Variants in FBXL13 observed in about 807,000 individuals in gnomAD.
FBXL13 encodes F-box and leucine rich repeat protein 13, also known as F-box and leucine-rich repeat protein 13.
Under a neutral mutation model 83.6 loss-of-function variants are expected in FBXL13, and 67 were observed. That is an observed-to-expected ratio of 0.80 (90% CI 0.66 to 0.98). The LOEUF (loss-of-function observed/expected upper bound fraction) is 0.98. Among genes scored for constraint, FBXL13 ranks in the 50% least tolerant of loss-of-function variants. The pLI is 0.00. For synonymous variants in FBXL13, 272 were observed against 299.5 expected (o/e 0.91, Z 0.95); for missense variants, 822 against 866.5 (o/e 0.95, Z 0.64).
intron 17 of FBXL13, among the ~76,000 whole-genome samples, chr7:102,841,889 T>G (rs1802997213): frequency 6.6e-6 from 1 of 152,174 alleles, no homozygotes; most frequent in Non-Finnish European, 1.5e-5. Context: ...AGTAAAACTC[T>G]TAATTATTCC....
chr7:102,830,059 C>T (rs910455965), intron 18 of FBXL13, among the ~76,000 whole-genome samples: 2 of 152,172 alleles, frequency 1.3e-5, no homozygotes, highest in Non-Finnish European at 2.9e-5. Flanking sequence ...CTTCCTTCTT[C>T]CTCTTTCTCC....
chr7:102,833,404 T>C (rs1002377393), intron 17 of FBXL13, among the ~76,000 whole-genome samples: 3 of 151,928 alleles, frequency 2.0e-5, no homozygotes, highest in African/African-American at 7.3e-5. Flanking sequence ...CTCTTAAATC[T>C]TAGCAAGTTA....
chr7:102,849,824 G>A (rs990804412), intron 17 of FBXL13, among the ~76,000 whole-genome samples: 1 of 151,934 alleles, frequency 6.6e-6, no homozygotes, highest in Non-Finnish European at 1.5e-5. Context: ...AGACACACAC[G>A]TACCAAAAGC....
intron 18 of FBXL13, among the ~76,000 whole-genome samples, chr7:102,829,683 G>A (rs1393039809): frequency 1.3e-5 from 2 of 152,140 alleles, no homozygotes. Context: ...AGTAGGATGA[G>A]GTCACAGTAC....
At chr7:102,933,301 GACA>G (rs1819587967) in intron 8 of FBXL13, 1 of 151,984 alleles carries the variant, frequency 6.6e-6, no homozygotes, top group Non-Finnish European at 1.5e-5. Context: ...GGCTCAGGAA[GACA>G]ACAATTCAAG....
chr7:103,025,051 A>G lies in FBXL13; in HGVS notation c.495+12T>C. Reference sequence around the variant, plus strand: ...GATTATAGTATATAATGTATACTGAATTCATACAAACCTGTAATATTGCTC... The same window carrying G: ...GATTATAGTATATAATGTATACTGAGTTCATACAAACCTGTAATATTGCTC... On this transcript the variant is annotated intron_variant, in intron 6 of 19. Coordinates refer to ENST00000313221, the Ensembl canonical transcript of FBXL13. The G allele has an allele frequency of 1.3e-6, 2 of 1,599,258 alleles. No individual in the cohort carries two copies. The highest frequency in any genetic ancestry group is 1.7e-6 in the Non-Finnish European group (2 of 1,171,604).
chr7:102,871,339 T>C (rs1312699875), intron 16 of FBXL13, among the ~76,000 whole-genome samples: 1 of 152,132 alleles, frequency 6.6e-6, no homozygotes, highest in East Asian at 1.9e-4. Context: ...CCTATCTTTT[T>C]AGAGGTGGGA....
At chr7:102,935,675 T>C (rs1439330319) in intron 8 of FBXL13, among the ~76,000 whole-genome samples, 2 of 152,176 alleles carry the variant, frequency 1.3e-5, no homozygotes, top group Non-Finnish European at 2.9e-5. Flanking sequence ...TGAAGATTGA[T>C]GTTCTCAAAG....
chr7:102,832,063 T>C (rs753515406), intron 18 of FBXL13, among the ~76,000 whole-genome samples: 1 of 152,170 alleles, frequency 6.6e-6, no homozygotes, highest in African/African-American at 2.4e-5. Flanking sequence ...TTTTTGTGCA[T>C]AGAAAAAAAT....
chr7:103,021,261 G>A (rs189934543), intron 6 of FBXL13, among the ~76,000 whole-genome samples: 86 of 152,240 alleles, frequency 5.6e-4, no homozygotes, highest in African/African-American at 2.0e-3. Flanking sequence ...AAATGGTGCT[G>A]GAAAAACTGG....
intron 8 of FBXL13, chr7:102,945,001 TA>T (rs773650719): frequency 6.4e-6 from 1 of 157,202 alleles, no homozygotes; most frequent in Non-Finnish European, 1.4e-5. Flanking sequence ...AAAATGATTT[TA>T]TACAAATGCT....
chr7:102,975,072 AC>A (rs1827264571), intron 6 of FBXL13, among the ~76,000 whole-genome samples: 1 of 151,804 alleles, frequency 6.6e-6, no homozygotes, highest in Non-Finnish European at 1.5e-5. Flanking sequence ...AGCAGGAACC[AC>A]TTTCAGGTTC....
At chr7:102,853,848 G>C (rs867049461) in intron 17 of FBXL13, among the ~76,000 whole-genome samples, 5 of 152,010 alleles carry the variant, frequency 3.3e-5, no homozygotes, top group African/African-American at 1.2e-4. Flanking sequence ...TTAGAATGGC[G>C]ATCATTAAAA....
chr7:102,930,799 G>C (rs1819026986), intron 9 of FBXL13, among the ~76,000 whole-genome samples: 2 of 152,188 alleles, frequency 1.3e-5, no homozygotes, highest in Admixed American at 6.5e-5. Context: ...TGTTAATTAT[G>C]ACTTATACAT....
At chr7:103,073,573 C>T (rs1228760872) in intron 1 of FBXL13, among the ~76,000 whole-genome samples, 1 of 152,116 alleles carries the variant, frequency 6.6e-6, no homozygotes, top group Non-Finnish European at 1.5e-5. Context: ...ATGCCTCATT[C>T]GCTTAGTCAC....
intron 8 of FBXL13, among the ~76,000 whole-genome samples, chr7:102,940,909 T>C (rs528867405): frequency 5.9e-5 from 9 of 152,374 alleles, no homozygotes; most frequent in East Asian, 1.9e-4. Flanking sequence ...AATAATGTAA[T>C]GTAATGTTAT....
intron 6 of FBXL13, among the ~76,000 whole-genome samples, chr7:103,013,716 C>T (rs1479646151): frequency 6.6e-6 from 1 of 151,826 alleles, no homozygotes; most frequent in East Asian, 1.9e-4. Context: ...AATATCACAA[C>T]TAGAGGAATT....
chr7:102,929,291 T>C (rs989031559), intron 9 of FBXL13, among the ~76,000 whole-genome samples: 2 of 152,200 alleles, frequency 1.3e-5, no homozygotes, highest in Non-Finnish European at 2.9e-5. Flanking sequence ...GAGATACATA[T>C]GTAAACATAA....
rs1791891562 is a variant in FBXL13 at position 103,013,544 on chromosome 7, T to A, written c.495+11519A>T. On this transcript the variant is annotated intron_variant, in intron 6 of 19. Transcript: ENST00000313221. ...TGCTCCTAAATGACTTCTGGATAAA[T>A]AATGAAATTAAGGCAGAAATCAAGA... is the stretch of plus-strand genomic sequence containing the variant. Among the ~76,000 whole-genome samples, 3 of 152,128 alleles carry A rather than the reference T, an allele frequency of 2.0e-5. No individual in the cohort carries two copies. The South Asian group carries it at 6.2e-4, about 31-fold the overall frequency.
Sources: gnomAD v4.1 joint callset for allele counts (sites outside exome capture counted in the v4.1 genomes callset) on GRCh38, gnomAD v4.1.1 for gene constraint, MANE v1.5 for transcripts, NCBI Gene and HGNC (gene_info 2026-07-23, HGNC 2026-07-21) for gene names.